The following ACOT8 variants were observed in gnomAD, a reference collection of about 807,000 sequenced individuals.
ACOT8 encodes acyl-coenzyme A thioesterase 8.
ACOT8 carries 31 observed loss-of-function variants against 38.4 expected under a neutral mutation model. The ratio of observed to expected loss-of-function variants is 0.81; its 90% confidence interval spans 0.61 to 1.09. The LOEUF is 1.09. Among genes scored for constraint, ACOT8 ranks in the 50% least tolerant of loss-of-function variants. The probability of loss-of-function intolerance (pLI) is 0.00; values close to 1 mark genes in which losing one functional copy is unlikely to be tolerated. For missense variants in ACOT8, 373 were observed against 421.8 expected, an observed-to-expected ratio of 0.88 and a Z score of 1.01; for synonymous variants, 158 against 170.3, an observed-to-expected ratio of 0.93 and a Z score of 0.56.
At chr20:45,854,003 G>C (rs1985232980) in intron 2 of ACOT8, 1 of 1,294,098 alleles carries the variant, frequency 7.7e-7, no homozygotes, top group Non-Finnish European at 1.0e-6. Flanking sequence ...AACAGGGAAG[G>C]AAAGAAAACA....
At chr20:45,855,478 C>A (rs542393819) in intron 1 of ACOT8, among the ~76,000 whole-genome samples, 186 bp from the exon 2 acceptor site, 1 of 152,182 alleles carries the variant, frequency 6.6e-6, no homozygotes, top group Admixed American at 6.5e-5. Context: ...CTGGGCCGGG[C>A]GCAGTGGCTT....
At chr20:45,856,640 A>G (rs915016615) in intron 1 of ACOT8, among the ~76,000 whole-genome samples, 5 of 152,162 alleles carry the variant, frequency 3.3e-5, no homozygotes, top group African/African-American at 2.4e-5. Context: ...AGATCGCACC[A>G]CTGCACTCCA....
intron 3 of ACOT8, among the ~76,000 whole-genome samples, chr20:45,847,448 T>G (rs775008791): frequency 6.5e-4 from 99 of 151,726 alleles, no homozygotes; most frequent in Middle Eastern, 3.4e-3. Context: ...ATGGTTTTTT[T>G]TCCCAGGTAT....
chr20:45,848,417 A>G (rs1266091137), intron 3 of ACOT8, 33 bp downstream of exon 3: 1 of 1,517,120 alleles, frequency 6.6e-7, no homozygotes, highest in African/African-American at 1.4e-5. Flanking sequence ...CTGCATTTTG[A>G]AAAGTCTGCC....
At chr20:45,843,764 G>C (rs1984454462) in intron 4 of ACOT8, 43 bp from the exon 5 acceptor site, 1 of 1,598,404 alleles carries the variant, frequency 6.3e-7, no homozygotes, top group Non-Finnish European at 8.6e-7. Flanking sequence ...GGGCTTTCCA[G>C]CTCAGGACCT....
chr20:45,842,919 AAGG>A (rs1601086546), intron 5 of ACOT8: 2 of 1,006,190 alleles, frequency 2.0e-6, no homozygotes, highest in Non-Finnish European at 2.4e-6. Flanking sequence ...CTCCCTTGGA[AAGG>A]AGGTCAGGGT....
intron 2 of ACOT8, among the ~76,000 whole-genome samples, chr20:45,850,168 A>G (rs1418736428): frequency 1.3e-5 from 2 of 152,082 alleles, no homozygotes; most frequent in African/African-American, 4.8e-5. Context: ...GAACTGCTTG[A>G]ACCTGGGAGG....
At chr20:45,850,453 C>T (rs1984990120) in intron 2 of ACOT8, among the ~76,000 whole-genome samples, 1 of 152,208 alleles carries the variant, frequency 6.6e-6, no homozygotes, top group Non-Finnish European at 1.5e-5. Flanking sequence ...TCCTACAAGT[C>T]TGACTTGTGG....
rs752269233 is a variant in ACOT8, at chr20:45,843,527, C to T, written c.841G>A (p.Gly281Ser). 83 of 1,608,368 alleles carry T rather than the reference C, an allele frequency of 5.2e-5. No individual in the cohort carries two copies. Among genetic ancestry groups the T allele is most frequent in the Middle Eastern group, 1.6e-4 (1 of 6,074 alleles). The stretch of plus-strand genomic sequence containing the variant: ...TTGTCCCACACGGCCCCACACTCAC[C>T]GGCCCAGGGGCTCTCGCATTCATAG... ...MLYECESPWA[G>S]GSRGLVHGRL... Residue 281 changes from glycine to serine, a missense_variant and splice_region_variant, in exon 5 of 6, where the codon GGT becomes AGT. By Grantham distance (56) the Gly-to-Ser change is moderately conservative. Transcript: ENST00000217455.
At position 45,841,813 on chromosome 20, in the gene ACOT8, C is replaced by A; in HGVS notation, c.*25G>T. ...GGGGATAGATGGGAGGTTCTTGAAGCCCCAGGCGAAGCTGGTACCTCTGGC... is the reference window on the plus strand; with the variant it reads ...GGGGATAGATGGGAGGTTCTTGAAGACCCAGGCGAAGCTGGTACCTCTGGC... On this transcript the variant is annotated 3_prime_UTR_variant, in exon 6 of 6. Coordinates refer to ENST00000217455, the MANE Select transcript of ACOT8 (RefSeq NM_005469.4). 6.4e-7 allele frequency: 1 copy of A among 1,571,592 alleles called. No homozygotes were observed. Among genetic ancestry groups the A allele is most frequent in the Non-Finnish European group, 8.6e-7 (1 of 1,164,100 alleles).
rs763560837 is a variant in ACOT8 at position 45,855,241 on chromosome 20, C to T, written c.180G>A (p.Val60=). ...PAKRLFGGQI[V]GQALVAAAKS... is the part of the protein sequence containing the mutation. ...TGGCTGCAGCCACCAGGGCCTGGCCCACGATCTGACCACCAAACAGCCTCT... is the reference window on the plus strand; with the variant it reads ...TGGCTGCAGCCACCAGGGCCTGGCCTACGATCTGACCACCAAACAGCCTCT... The change falls in exon 2 of 6, where the codon GTG becomes GTA. Residue 60 remains valine (V), a synonymous_variant. Coordinates refer to ENST00000217455, the MANE Select transcript of ACOT8 (RefSeq NM_005469.4). The T allele has an allele frequency of 2.4e-5, 38 of 1,614,032 alleles. No homozygotes were observed. The highest frequency in any genetic ancestry group is 3.2e-5 in the Non-Finnish European group (38 of 1,180,034).
chr20:45,855,342 C>A, intron 1 of ACOT8, 50 bp from the exon 2 acceptor site: 2 of 1,603,610 alleles, frequency 1.2e-6, no homozygotes, highest in Non-Finnish European at 1.7e-6. Flanking sequence ...GGGCCAAATT[C>A]TACTACCCTC....
At chr20:45,849,422 A>G (rs76414350) in intron 2 of ACOT8, among the ~76,000 whole-genome samples, 3 of 148,170 alleles carry the variant, frequency 2.0e-5, no homozygotes, top group Admixed American at 1.4e-4. Context: ...GTGGGGGGGG[A>G]CTACAGGGGT....
intron 5 of ACOT8, chr20:45,842,372 A>C (rs1984273497): frequency 7.7e-7 from 1 of 1,303,572 alleles, no homozygotes; most frequent in Admixed American, 3.7e-5. Flanking sequence ...AGTCTCCTTC[A>C]ACAGCTCGGC....
chr20:45,857,362 G>T lies in ACOT8; in HGVS notation c.-47C>A. 3.9e-6 allele frequency: 6 copies of T among 1,555,488 alleles called. No individual in the cohort carries two copies. The highest frequency in any genetic ancestry group is 5.2e-6 in the Non-Finnish European group (6 of 1,151,510). The stretch of plus-strand genomic sequence containing the variant: ...TGCACACCCGCTCCGCGGAAGACGC[G>T]GAGACATACACAGAACCTGACTCTT... On this transcript the variant is annotated 5_prime_UTR_variant, in exon 1 of 6. Coordinates refer to ENST00000217455, the MANE Select transcript of ACOT8 (RefSeq NM_005469.4).
chr20:45,843,136 A>C, intron 5 of ACOT8: 1 of 874,394 alleles, frequency 1.1e-6, no homozygotes, highest in South Asian at 1.8e-5. Flanking sequence ...TATTTTGAAA[A>C]GGCATCCCCA....
At position 45,848,464 on chromosome 20, in the gene ACOT8, A is replaced by C. The variant is rs140969049; in HGVS notation, c.474T>G (p.Ile158Met). Reference sequence around the variant, plus strand: ...AGGTCTCTCACCTTAAATACTGGTCAATGAGGGTCTCACAGTCAAGCAGCT... The same window carrying C: ...AGGTCTCTCACCTTAAATACTGGTCCATGAGGGTCTCACAGTCAAGCAGCT... ...PEELLDCETL[I>M]DQYLRDPNLQ... The change falls in exon 3 of 6, where the codon ATT becomes ATG. Residue 158 changes from isoleucine (I) to methionine (M), a missense_variant. By Grantham distance (10) the Ile-to-Met change is conservative. Coordinates refer to ENST00000217455, the MANE Select transcript of ACOT8 (RefSeq NM_005469.4). 59 of 1,605,772 alleles carry C rather than the reference A, an allele frequency of 3.7e-5. No individual in the cohort carries two copies. The East Asian group carries it at 9.4e-4, about 26-fold the overall frequency.
Position 45,857,375 on chromosome 20 carries a change from G to C in ACOT8, c.-60C>G. 6.5e-7 allele frequency: 1 copy of C among 1,528,044 alleles called. No individual in the cohort carries two copies. Among genetic ancestry groups the C allele is most frequent in the East Asian group, 2.5e-5 (1 of 40,582 alleles). 94.7% of individuals were successfully genotyped at this position (1,528,044 alleles called of 1,614,324 possible). Reference sequence around the variant, plus strand: ...CGCGGAAGACGCGGAGACATACACAGAACCTGACTCTTCCGGCAGATTGCC... The same window carrying C: ...CGCGGAAGACGCGGAGACATACACACAACCTGACTCTTCCGGCAGATTGCC... On this transcript the variant is annotated 5_prime_UTR_variant, in exon 1 of 6. Coordinates refer to ENST00000217455, the MANE Select transcript of ACOT8 (RefSeq NM_005469.4).
rs779680625 is a variant in ACOT8, at chr20:45,843,692, C to T, written c.676G>A (p.Val226Met). 1.9e-5 allele frequency: 31 copies of T among 1,609,700 alleles called. No individual in the cohort carries two copies. In the East Asian group the frequency reaches 5.4e-4, roughly 28 times the overall value. ...GCATAGTCGGAGATATAGGCGGCCA[C>T]GCAGCAGTGCATCTTCATGTCGCCC... Reference protein sequence around the residue: ...GEGDMKMHCCVAAYISDYAFL... With the variant: ...GEGDMKMHCCMAAYISDYAFL... The change falls in exon 5 of 6, where the codon GTG becomes ATG. Residue 226 changes from valine to methionine, a missense_variant. Transcript: ENST00000217455.
Sources: allele counts gnomAD v4.1 joint callset (sites outside exome capture counted in the v4.1 genomes callset), GRCh38; gene constraint gnomAD v4.1.1; transcripts MANE v1.5; gene names NCBI Gene and HGNC (gene_info 2026-07-23, HGNC 2026-07-21).